ST6GAL2: variants seen among roughly 807,000 people sequenced by gnomAD.
ST6GAL2 encodes ST6 beta-galactoside alpha-2,6-sialyltransferase 2.
In ST6GAL2, 24 loss-of-function variants were observed where a neutral mutation model predicts 37.5. The ratio of observed to expected loss-of-function variants is 0.64; its 90% CI spans 0.46 to 0.90. The LOEUF (loss-of-function observed/expected upper bound fraction) is 0.90, where lower values mean the gene tolerates loss of function less well. Among genes scored for constraint, ST6GAL2 ranks in the 40% least tolerant of loss-of-function variants. The pLI is 0.00. For missense variants in ST6GAL2, 715 were observed against 712.7 expected (o/e 1.00, Z -0.04); for synonymous variants, 306 against 295.1 (o/e 1.04, Z -0.38).
At chr2:106,849,594 G>T (rs931112996) in intron 1 of ST6GAL2, among the ~76,000 whole-genome samples, 1 of 152,168 alleles carries the variant, frequency 6.6e-6, no homozygotes, top group Admixed American at 6.5e-5. Flanking sequence ...CTCCATTAAT[G>T]CAGCCTACCT....
At chr2:106,870,459 G>C (rs1436756107) in intron 1 of ST6GAL2, among the ~76,000 whole-genome samples, 1 of 152,106 alleles carries the variant, frequency 6.6e-6, no homozygotes, top group Non-Finnish European at 1.5e-5. Context: ...CCACAAAATT[G>C]TGTTTACTTT....
At chr2:106,809,330 T>C (rs958151641) in intron 5 of ST6GAL2, among the ~76,000 whole-genome samples, 1 of 152,190 alleles carries the variant, frequency 6.6e-6, no homozygotes, top group Admixed American at 6.5e-5. Context: ...GCTTCAAGAG[T>C]GTCTTTTACA....
At chr2:106,850,106 C>T (rs1389963382) in intron 1 of ST6GAL2, among the ~76,000 whole-genome samples, 1 of 152,144 alleles carries the variant, frequency 6.6e-6, no homozygotes, top group Non-Finnish European at 1.5e-5. Flanking sequence ...TGCATCAACA[C>T]AGACATAGCC....
At chr2:106,841,930 T>G (rs1676902252) in intron 2 of ST6GAL2, among the ~76,000 whole-genome samples, 1 of 152,216 alleles carries the variant, frequency 6.6e-6, no homozygotes, top group Non-Finnish European at 1.5e-5. Context: ...CCCAGCTGGT[T>G]GGTCAAACAC....
chr2:106,831,290 G>GC (rs1486199986), intron 4 of ST6GAL2, among the ~76,000 whole-genome samples: 3 of 152,236 alleles, frequency 2.0e-5, no homozygotes, highest in African/African-American at 7.2e-5. Context: ...TCACATGGCA[G>GC]CAAAGGCCTT....
intron 2 of ST6GAL2, chr2:106,834,660 GA>G (rs780364867): frequency 2.6e-5 from 4 of 153,028 alleles, no homozygotes; most frequent in Non-Finnish European, 5.8e-5. Flanking sequence ...AAGAAAGAAA[GA>G]AAGTCAGCCC....
At chr2:106,862,841 A>C (rs1320332202) in intron 1 of ST6GAL2, among the ~76,000 whole-genome samples, 1 of 152,262 alleles carries the variant, frequency 6.6e-6, no homozygotes, top group African/African-American at 2.4e-5. Flanking sequence ...CAAATCAGCC[A>C]AGAAAATGAC....
chr2:106,873,227 G>A (rs181248350), intron 1 of ST6GAL2, among the ~76,000 whole-genome samples: 1 of 152,222 alleles, frequency 6.6e-6, no homozygotes, highest in African/African-American at 2.4e-5. Flanking sequence ...ATACACACAG[G>A]TAGGGGACAG....
At position 106,802,044 on chromosome 2, in the gene ST6GAL2, T is replaced by A. The variant is rs988249156; in HGVS notation, c.*4634A>T. On this transcript the variant is annotated 3_prime_UTR_variant, in exon 6 of 6. Coordinates refer to ENST00000409382, the MANE Select transcript of ST6GAL2 (RefSeq NM_001142351.2). ...TTCAAAGTTCAGTGTTAAATCAGGC[T>A]TCTGACTAGGATAAAATATTAAGGT... 6.6e-6 allele frequency: 1 copy of A among 152,218 alleles called. No individual in the cohort carries two copies. The highest frequency in any genetic ancestry group is 1.5e-5 in the Non-Finnish European group (1 of 68,038). The allele number at this position is 152,218 out of a possible 1,614,324, so 9.4% of individuals were successfully genotyped here. A position where few individuals can be genotyped will look rare whatever the true frequency, so the allele number is the denominator to read the frequency against.
At chr2:106,873,001 G>A (rs1167650996) in intron 1 of ST6GAL2, among the ~76,000 whole-genome samples, 1 of 152,044 alleles carries the variant, frequency 6.6e-6, no homozygotes, top group African/African-American at 2.4e-5. Flanking sequence ...CCTTTGGGAG[G>A]TTGCAAAATT....
intron 5 of ST6GAL2, among the ~76,000 whole-genome samples, chr2:106,816,792 G>GT (rs1379419510): frequency 6.6e-6 from 1 of 152,084 alleles, no homozygotes; most frequent in East Asian, 1.9e-4. Context: ...CACAGTACCT[G>GT]GTTTTAATTT....
intron 1 of ST6GAL2, among the ~76,000 whole-genome samples, chr2:106,866,254 C>T (rs966780620): frequency 3.3e-5 from 5 of 152,136 alleles, no homozygotes; most frequent in Admixed American, 1.3e-4. Context: ...ATGTGGGACC[C>T]GACACCCAGA....
At chr2:106,832,529 G>T in intron 4 of ST6GAL2, 36 bp downstream of exon 4, 1 of 1,108,010 alleles carries the variant, frequency 9.0e-7, no homozygotes, top group South Asian at 1.4e-5. Context: ...GCCATTGTCT[G>T]ACCGTTGGGG....
chr2:106,818,445 T>A (rs879386555), intron 5 of ST6GAL2, among the ~76,000 whole-genome samples: 2 of 151,860 alleles, frequency 1.3e-5, no homozygotes, highest in Non-Finnish European at 2.9e-5. Flanking sequence ...AGAGAATTCA[T>A]CTGGATCTTA....
intron 5 of ST6GAL2, among the ~76,000 whole-genome samples, chr2:106,821,719 T>G (rs1676009977): frequency 6.6e-6 from 1 of 151,910 alleles, no homozygotes; most frequent in African/African-American, 2.4e-5. Context: ...AAAAGAAAAC[T>G]ATGGGCCAAT....
Position 106,843,341 on chromosome 2 carries a change from A to T in ST6GAL2, c.637T>A (p.Ser213Thr), listed in dbSNP as rs751589118. 1 of 1,614,066 alleles carries T rather than the reference A, an allele frequency of 6.2e-7. No homozygotes were observed. The highest frequency in any genetic ancestry group is 1.7e-5 in the Admixed American group (1 of 60,020). The change falls in exon 2 of 6, where the codon TCT becomes ACT. Residue 213 changes from serine to threonine, a missense_variant. By Grantham distance (58) the Ser-to-Thr change is moderately conservative. This residue lies in a region of ST6GAL2 where 512 missense variants were observed against 488.8 expected (regional missense o/e 1.05). Coordinates refer to ENST00000409382, the MANE Select transcript of ST6GAL2 (RefSeq NM_001142351.2). The stretch of plus-strand genomic sequence containing the variant: ...AGGCGCGGGTTCAGCATTTTGGAAG[A>T]GACGTTCCCCTTCCAGAGCCGGTAC... ...FLYRLWKGNV[S>T]SKMLNPRLQK...
intron 1 of ST6GAL2, among the ~76,000 whole-genome samples, chr2:106,867,582 T>A (rs1297515347): frequency 6.6e-6 from 1 of 152,176 alleles, no homozygotes; most frequent in African/African-American, 2.4e-5. Flanking sequence ...ACGAGGTTTA[T>A]GCAACTTCAA....
rs1302781452 is a variant in ST6GAL2, at chr2:106,834,073, G to A, written c.1017C>T (p.Thr339=). ...RGYEKDVGNK[T]TIRIINSQIL... ...CCTGCGAATTAATGATGCGTATGGT[G>A]GTTTTATTCCCAACATCTTTCTCAT... The change falls in exon 3 of 6, where the codon ACC becomes ACT. Residue 339 remains threonine (T), a synonymous_variant. Transcript: ENST00000409382. 1.2e-6 allele frequency: 2 copies of A among 1,613,358 alleles called. No homozygotes were observed. Among genetic ancestry groups the A allele is most frequent in the South Asian group, 2.2e-5 (2 of 91,044 alleles).
Position 106,834,080 on chromosome 2 carries a change from T to A in ST6GAL2, c.1010A>T (p.Asn337Ile), listed in dbSNP as rs781512929. The A allele has an allele frequency of 6.2e-7, 1 of 1,613,794 alleles. No homozygotes were observed. The highest frequency in any genetic ancestry group is 1.7e-5 in the Admixed American group (1 of 60,018). ...PTRGYEKDVG[N>I]KTTIRIINSQ... Reference sequence around the variant, plus strand: ...ATTAATGATGCGTATGGTGGTTTTATTCCCAACATCTTTCTCATAACCACG... The same window carrying A: ...ATTAATGATGCGTATGGTGGTTTTAATCCCAACATCTTTCTCATAACCACG... Residue 337 changes from asparagine to isoleucine, a missense_variant, in exon 3 of 6, where the codon AAT (asparagine) becomes ATT (isoleucine). This residue lies in a region of ST6GAL2 where 512 missense variants were observed against 488.8 expected (regional missense o/e 1.05). Coordinates refer to ENST00000409382, the MANE Select transcript of ST6GAL2 (RefSeq NM_001142351.2).
Sources: allele counts gnomAD v4.1 joint callset (sites outside exome capture counted in the v4.1 genomes callset), GRCh38; gene constraint gnomAD v4.1.1; regional missense constraint gnomAD v4.1.1; transcripts MANE v1.5; gene names NCBI Gene and HGNC (gene_info 2026-07-23, HGNC 2026-07-21).